The following RSRC1 variants were observed in gnomAD, a reference collection of about 807,000 sequenced individuals.
RSRC1 encodes the protein serine/Arginine-related protein 53.
In RSRC1, 39 loss-of-function variants were observed where a neutral mutation model predicts 49.1. The observed-to-expected ratio is 0.79, with a 90% CI of 0.61 to 1.04. RSRC1 has a LOEUF of 1.04. Among genes scored for constraint, RSRC1 ranks in the 50% least tolerant of loss-of-function variants. The pLI is 0.00. For synonymous variants in RSRC1, 143 were observed against 130.8 expected, an observed-to-expected ratio of 1.09 and a Z score of -0.63; for missense variants, 388 against 402.4, an observed-to-expected ratio of 0.96 and a Z score of 0.31.
At chr3:158,135,164 G>C (rs987274172) in intron 3 of RSRC1, among the ~76,000 whole-genome samples, 3 of 152,082 alleles carry the variant, frequency 2.0e-5, no homozygotes, top group East Asian at 1.9e-4. Context: ...TTTGAACTTA[G>C]TGTAAGTTCT....
intron 3 of RSRC1, among the ~76,000 whole-genome samples, chr3:158,149,687 A>T (rs1179235191): frequency 6.6e-6 from 1 of 152,218 alleles, no homozygotes; most frequent in Non-Finnish European, 1.5e-5. Flanking sequence ...TTCCTTAAAC[A>T]TTATACCTAT....
Position 158,468,421 on chromosome 3 carries a change from C to T in RSRC1, c.652+7418C>T, listed in dbSNP as rs73877212. Among the ~76,000 whole-genome samples the T allele has an allele frequency of 4.2e-3, 632 of 152,250 alleles. 5 individuals are homozygous for T. The highest frequency in any genetic ancestry group is 0.015 in the African/African-American group (611 of 41,544). On this transcript the variant is annotated intron_variant, in intron 7 of 9. Transcript: ENST00000611884. ...TGATTCTGTTATCCTGAGATGAAAA[C>T]ACTCCTTGGTGACTACACTCCTGCT...
chr3:158,349,955 C>A (rs1730775607), intron 5 of RSRC1, among the ~76,000 whole-genome samples: 1 of 151,502 alleles, frequency 6.6e-6, no homozygotes, highest in Non-Finnish European at 1.5e-5. Flanking sequence ...GCCTTGGCCT[C>A]CCAAAGTGCT....
chr3:158,343,392 T>A (rs1335428942), intron 5 of RSRC1, among the ~76,000 whole-genome samples: 3 of 152,078 alleles, frequency 2.0e-5, no homozygotes, highest in Non-Finnish European at 4.4e-5. Context: ...ACAAAAAAAA[T>A]GTCTGACATC....
chr3:158,484,689 T>C (rs1398397606), intron 7 of RSRC1, among the ~76,000 whole-genome samples: 1 of 152,120 alleles, frequency 6.6e-6, no homozygotes, highest in African/African-American at 2.4e-5. Flanking sequence ...GATTCCAAAG[T>C]AGTTTATGAC....
At chr3:158,231,560 T>C (rs76259381) in intron 4 of RSRC1, among the ~76,000 whole-genome samples, 6,621 of 152,220 alleles carry the variant, frequency 0.043, 465 homozygotes, top group African/African-American at 0.15. Context: ...TGTAACTCGC[T>C]TGTGGCCATG....
intron 4 of RSRC1, among the ~76,000 whole-genome samples, chr3:158,261,385 T>C (rs827114): frequency 0.45 from 68,407 of 152,064 alleles, 15,730 homozygotes; most frequent in East Asian, 0.64. Flanking sequence ...GTTTCCATCT[T>C]CTTATTTTTC....
At chr3:158,328,055 C>G (rs1439846958) in intron 5 of RSRC1, among the ~76,000 whole-genome samples, 4 of 151,990 alleles carry the variant, frequency 2.6e-5, no homozygotes, top group Non-Finnish European at 5.9e-5. Context: ...GGATTGCAAC[C>G]CCTGCCTTTT....
chr3:158,510,406 T>C (rs1740092294), intron 7 of RSRC1, among the ~76,000 whole-genome samples: 1 of 152,212 alleles, frequency 6.6e-6, no homozygotes, highest in African/African-American at 2.4e-5. Context: ...TGTTTTATAT[T>C]TTTTATGTCC....
chr3:158,205,612 T>C (rs1721302154), intron 4 of RSRC1, among the ~76,000 whole-genome samples: 1 of 152,072 alleles, frequency 6.6e-6, no homozygotes, highest in Non-Finnish European at 1.5e-5. Context: ...GTAGGAAAAG[T>C]AAAAAGAGCT....
At chr3:158,497,552 T>A (rs969776663) in intron 7 of RSRC1, among the ~76,000 whole-genome samples, 2 of 151,840 alleles carry the variant, frequency 1.3e-5, no homozygotes, top group Non-Finnish European at 2.9e-5. Flanking sequence ...TTCTCCTGCC[T>A]CAGCCTCCCG....
At chr3:158,442,551 C>T (rs1358658147) in intron 6 of RSRC1, among the ~76,000 whole-genome samples, 2 of 152,100 alleles carry the variant, frequency 1.3e-5, no homozygotes, top group Non-Finnish European at 2.9e-5. Context: ...TTACCACAAA[C>T]TGCAGTTACA....
At chr3:158,171,845 A>G (rs1718898923) in intron 3 of RSRC1, among the ~76,000 whole-genome samples, 1 of 151,998 alleles carries the variant, frequency 6.6e-6, no homozygotes, top group Admixed American at 6.6e-5. Context: ...TAGCTACCCA[A>G]GAGGCTGAGG....
intron 7 of RSRC1, among the ~76,000 whole-genome samples, chr3:158,489,780 T>C (rs1012003325): frequency 6.6e-6 from 1 of 152,170 alleles, no homozygotes; most frequent in Admixed American, 6.6e-5. Flanking sequence ...GTAGCTTTTT[T>C]AGTATCATTT....
intron 1 of RSRC1, among the ~76,000 whole-genome samples, chr3:158,115,545 G>A (rs1229541393): frequency 1.3e-5 from 2 of 152,008 alleles, no homozygotes; most frequent in Non-Finnish European, 2.9e-5. Flanking sequence ...TAATTAAAAC[G>A]AAATTTTGAA....
At chr3:158,304,763 G>A (rs557275814) in intron 5 of RSRC1, among the ~76,000 whole-genome samples, 54 of 152,138 alleles carry the variant, frequency 3.5e-4, no homozygotes, top group South Asian at 3.5e-3. Context: ...GTGAAACTGC[G>A]TATTAAAACA....
chr3:158,224,958 T>TA (rs761111041), intron 4 of RSRC1, among the ~76,000 whole-genome samples: 6 of 151,884 alleles, frequency 4.0e-5, no homozygotes, highest in Non-Finnish European at 7.4e-5. Flanking sequence ...TAAATGCCTA[T>TA]AAATATTGTG....
intron 4 of RSRC1, among the ~76,000 whole-genome samples, chr3:158,209,236 C>T (rs146597379): frequency 2.0e-5 from 3 of 152,050 alleles, no homozygotes; most frequent in Non-Finnish European, 4.4e-5. Context: ...GGTGGGTCTT[C>T]CCTCATGAAT....
intron 3 of RSRC1, among the ~76,000 whole-genome samples, chr3:158,169,379 C>T (rs1242282800): frequency 1.3e-5 from 2 of 152,004 alleles, no homozygotes; most frequent in Non-Finnish European, 2.9e-5. Flanking sequence ...TGTATTTGGC[C>T]ACCTCATTCA....
Sources: gnomAD v4.1 joint callset for allele counts (sites outside exome capture counted in the v4.1 genomes callset) on GRCh38, gnomAD v4.1.1 for gene constraint, MANE v1.5 for transcripts, NCBI Gene and HGNC (gene_info 2026-07-23, HGNC 2026-07-21) for gene names.